The following RBFOX1 variants were observed in gnomAD, a reference collection of about 807,000 sequenced individuals.
RBFOX1 encodes RNA binding protein fox-1 homolog 1.
In RBFOX1, 8 loss-of-function variants were observed where a neutral mutation model predicts 57.7. The observed-to-expected ratio is 0.14, with a 90% CI of 0.08 to 0.25. The LOEUF (loss-of-function observed/expected upper bound fraction) is 0.25. Ranked by LOEUF, RBFOX1 falls within the 10% of genes least tolerant of loss-of-function variation. RBFOX1 has a pLI of 1.00. For synonymous variants in RBFOX1, 326 were observed against 222.4 expected (o/e 1.47, Z -4.15); for missense variants, 611 against 548.5 (o/e 1.11, Z -1.14).
chr16:6,900,528 CT>C (rs1423307715), intron 3 of RBFOX1, among the ~76,000 whole-genome samples: 1 of 152,206 alleles, frequency 6.6e-6, no homozygotes, highest in Non-Finnish European at 1.5e-5. Context: ...CTGCCCTTCT[CT>C]CAACACTCAT....
In RBFOX1 at chr16:6,725,006, A is replaced by G. The variant is rs1364273737; in HGVS notation, c.-16+70356A>G. 4.0e-5 allele frequency among the ~76,000 whole-genome samples: 6 copies of G among 149,690 alleles called. No homozygotes were observed. In the South Asian group the frequency reaches 1.3e-3, roughly 32 times the overall value. On this transcript the variant is annotated intron_variant, in intron 3 of 15. Coordinates refer to ENST00000550418, the MANE Select transcript of RBFOX1 (RefSeq NM_018723.4). The stretch of plus-strand genomic sequence containing the variant: ...TGTATAATGAGTAATGGGGACAGCC[A>G]GGAGTCACTTTTGTTGCCCTCTTGG...
chr16:5,838,391 C>A, intron 3 of RBFOX1: 1 of 157,914 alleles, frequency 6.3e-6, no homozygotes, highest in South Asian at 1.9e-4. Context: ...GTCTGGTGGT[C>A]GTTAAATCAT....
chr16:5,823,510 C>T (rs913580619), intron 3 of RBFOX1, among the ~76,000 whole-genome samples: 1 of 152,116 alleles, frequency 6.6e-6, no homozygotes, highest in Admixed American at 6.5e-5. Flanking sequence ...CCCCAGGCCA[C>T]GGACTGCTAC....
chr16:7,251,442 T>G (rs1416357972), intron 4 of RBFOX1, among the ~76,000 whole-genome samples: 2 of 151,022 alleles, frequency 1.3e-5, no homozygotes, highest in Admixed American at 1.3e-4. Flanking sequence ...TGGAGTTTTG[T>G]TCTTGTTGCC....
intron 3 of RBFOX1, among the ~76,000 whole-genome samples, chr16:7,028,799 T>C (rs1219708489): frequency 6.6e-6 from 1 of 151,110 alleles, no homozygotes; most frequent in Non-Finnish European, 1.5e-5. Flanking sequence ...CATCCAAACA[T>C]TGGCGATCAA....
chr16:6,253,253 T>TTAACTA (rs2097635568), intron 1 of RBFOX1, among the ~76,000 whole-genome samples: 1 of 152,196 alleles, frequency 6.6e-6, no homozygotes, highest in Admixed American at 6.5e-5. Flanking sequence ...GCAGTCTGAT[T>TTAACTA]GACTTTCACC....
chr16:5,716,206 G>T (rs1201787354), intron 3 of RBFOX1, among the ~76,000 whole-genome samples: 1 of 152,102 alleles, frequency 6.6e-6, no homozygotes. Context: ...TTATTTGGTT[G>T]GCGTGAAAGT....
intron 1 of RBFOX1, among the ~76,000 whole-genome samples, chr16:6,302,109 C>A (rs79193646): frequency 6.6e-6 from 1 of 152,092 alleles, no homozygotes; most frequent in African/African-American, 2.4e-5. Flanking sequence ...GTGGCTTCAT[C>A]CACAATGTTT....
At chr16:6,142,602 G>C (rs1304801846) in intron 1 of RBFOX1, among the ~76,000 whole-genome samples, 1 of 152,180 alleles carries the variant, frequency 6.6e-6, no homozygotes. Context: ...CAATGGCTCT[G>C]CCTTTTGACC....
At chr16:5,436,127 T>C (rs1474526078) in intron 1 of RBFOX1, among the ~76,000 whole-genome samples, 1 of 152,218 alleles carries the variant, frequency 6.6e-6, no homozygotes, top group Non-Finnish European at 1.5e-5. Flanking sequence ...AGAGTCATTA[T>C]GGCACAAGGA....
intron 4 of RBFOX1, among the ~76,000 whole-genome samples, chr16:7,119,505 G>T (rs1489446383): frequency 6.6e-6 from 1 of 151,890 alleles, no homozygotes; most frequent in Non-Finnish European, 1.5e-5. Flanking sequence ...AGTTAGATGG[G>T]ATATATTTAG....
intron 4 of RBFOX1, chr16:7,423,009 C>A (rs376690875): frequency 2.0e-4 from 31 of 152,220 alleles, no homozygotes; most frequent in African/African-American, 6.5e-4. Context: ...AACCTCGTGC[C>A]GGCTGGCTTC....
intron 3 of RBFOX1, among the ~76,000 whole-genome samples, chr16:7,039,246 T>C (rs2045434912): frequency 6.6e-6 from 1 of 152,170 alleles, no homozygotes; most frequent in Admixed American, 6.6e-5. Flanking sequence ...TAACAACAAA[T>C]CCATTATTAT....
chr16:6,768,943 G>A (rs771564776), intron 3 of RBFOX1, among the ~76,000 whole-genome samples: 17 of 151,986 alleles, frequency 1.1e-4, no homozygotes, highest in Non-Finnish European at 1.5e-4. Context: ...TGGCCAGGCT[G>A]GTCTCAAACT....
chr16:5,406,380 C>G (rs1453930243), intron 1 of RBFOX1, among the ~76,000 whole-genome samples: 1 of 152,132 alleles, frequency 6.6e-6, no homozygotes, highest in South Asian at 2.1e-4. Context: ...ACTGCTTGAG[C>G]TGGGACGTCA....
At chr16:5,510,141 GC>G (rs1460148703) in intron 2 of RBFOX1, among the ~76,000 whole-genome samples, 3 of 152,208 alleles carry the variant, frequency 2.0e-5, no homozygotes, top group African/African-American at 7.2e-5. Context: ...TGTAACTGGG[GC>G]TGGTTATTTA....
At chr16:5,612,440 G>C (rs1233409986) in intron 3 of RBFOX1, among the ~76,000 whole-genome samples, 24 of 150,390 alleles carry the variant, frequency 1.6e-4, no homozygotes, top group African/African-American at 5.8e-4. Context: ...CCCCCCCTCT[G>C]TGGGTCTACA....
At chr16:5,943,299 C>G (rs564787819) in intron 4 of RBFOX1, among the ~76,000 whole-genome samples, 1 of 152,294 alleles carries the variant, frequency 6.6e-6, no homozygotes, top group East Asian at 1.9e-4. Context: ...GTCCAGGAAT[C>G]CACAGTGGAA....
chr16:5,359,342 T>C (rs1317609621), intron 1 of RBFOX1, among the ~76,000 whole-genome samples: 1 of 152,260 alleles, frequency 6.6e-6, no homozygotes, highest in Non-Finnish European at 1.5e-5. Context: ...GCAATGGGAT[T>C]GCTGGATCAT....
Sources: allele counts gnomAD v4.1 joint callset (sites outside exome capture counted in the v4.1 genomes callset), GRCh38; gene constraint gnomAD v4.1.1; transcripts MANE v1.5; gene names NCBI Gene and HGNC (gene_info 2026-07-23, HGNC 2026-07-21).